UBAC2: variants seen among roughly 807,000 people sequenced by gnomAD.
UBAC2 encodes the protein ubiquitin-associated domain-containing protein 2.
A neutral mutation model predicts 44.0 loss-of-function variants in UBAC2; 26 were observed. That is an observed-to-expected ratio of 0.59 (90% confidence interval 0.43 to 0.82). The LOEUF (loss-of-function observed/expected upper bound fraction) is 0.82. Ranked by LOEUF, UBAC2 falls within the 40% of genes least tolerant of loss-of-function variation. The probability of loss-of-function intolerance (pLI) is 0.00; values close to 1 mark genes in which losing one functional copy is unlikely to be tolerated. For synonymous variants in UBAC2, 155 were observed against 154.3 expected (o/e 1.00, Z -0.04); for missense variants, 329 against 419.4 (o/e 0.78, Z 1.88).
chr13:99,255,925 A>G (rs1001503475), intron 4 of UBAC2: 1 of 1,458,908 alleles, frequency 6.9e-7, no homozygotes, highest in Non-Finnish European at 9.2e-7. Context: ...ATAGTTAAGA[A>G]AAATAAGAAT....
intron 1 of UBAC2, chr13:99,215,857 T>G: frequency 2.0e-6 from 1 of 498,646 alleles, no homozygotes; most frequent in South Asian, 4.7e-5. Flanking sequence ...TGATTCAAAC[T>G]GCCCTTTTCA....
intron 4 of UBAC2, among the ~76,000 whole-genome samples, chr13:99,299,444 G>A (rs2044224292): frequency 6.6e-6 from 1 of 150,724 alleles, no homozygotes; most frequent in African/African-American, 2.5e-5. Context: ...AGGTAGGGAA[G>A]CAAATACACA....
intron 6 of UBAC2, among the ~76,000 whole-genome samples, chr13:99,334,042 G>C (rs891085597): frequency 6.6e-6 from 1 of 152,188 alleles, no homozygotes; most frequent in East Asian, 1.9e-4. Context: ...CGAATTCTTG[G>C]GTCAAGTGAC....
chr13:99,343,981 A>G (rs990771734), intron 7 of UBAC2, among the ~76,000 whole-genome samples: 1 of 152,224 alleles, frequency 6.6e-6, no homozygotes, highest in Non-Finnish European at 1.5e-5. Flanking sequence ...CATTGAGGAC[A>G]CAGGTGTAAA....
intron 6 of UBAC2, among the ~76,000 whole-genome samples, chr13:99,326,974 C>G (rs145308079): frequency 0.011 from 1,609 of 152,298 alleles, 24 homozygotes; most frequent in South Asian, 0.067. Context: ...TTGCAGCCTT[C>G]TGTGTGCTGA....
chr13:99,272,134 A>G (rs567245443), intron 4 of UBAC2, among the ~76,000 whole-genome samples: 2 of 152,282 alleles, frequency 1.3e-5, no homozygotes, highest in Non-Finnish European at 2.9e-5. Context: ...GAGCTGCTTA[A>G]GGTCACCTCT....
intron 1 of UBAC2, among the ~76,000 whole-genome samples, chr13:99,208,963 C>A (rs1285457537): frequency 6.6e-6 from 1 of 152,216 alleles, no homozygotes. Flanking sequence ...GAACTTAGAT[C>A]CCCCTATAGT....
chr13:99,204,235 G>C (rs2042840684), intron 1 of UBAC2, among the ~76,000 whole-genome samples: 2 of 152,146 alleles, frequency 1.3e-5, no homozygotes, highest in Non-Finnish European at 2.9e-5. Flanking sequence ...TTTGTCCTCG[G>C]TGCTGTGGGT....
chr13:99,278,733 A>G (rs985729567), intron 4 of UBAC2, among the ~76,000 whole-genome samples: 2 of 152,232 alleles, frequency 1.3e-5, no homozygotes, highest in Non-Finnish European at 2.9e-5. Flanking sequence ...TTTAATTCCT[A>G]TTTAAAAAAT....
chr13:99,345,836 G>A (rs1398504782), intron 7 of UBAC2, among the ~76,000 whole-genome samples: 1 of 147,864 alleles, frequency 6.8e-6, no homozygotes, highest in Non-Finnish European at 1.5e-5. Context: ...TCTGTCTCCT[G>A]GCTTCAAGCA....
chr13:99,227,945 T>C (rs1193648943), intron 1 of UBAC2, among the ~76,000 whole-genome samples: 1 of 152,212 alleles, frequency 6.6e-6, no homozygotes, highest in Non-Finnish European at 1.5e-5. Flanking sequence ...AGAGCAGATA[T>C]ACTAGAGAAA....
intron 8 of UBAC2, among the ~76,000 whole-genome samples, chr13:99,373,692 G>C (rs910794971): frequency 6.6e-6 from 1 of 152,156 alleles, no homozygotes; most frequent in Non-Finnish European, 1.5e-5. Context: ...GAGGTGGGGA[G>C]CCACGGATGG....
chr13:99,201,159 G>A (rs2042791420), intron 1 of UBAC2: 51 of 1,356,638 alleles, frequency 3.8e-5, no homozygotes, highest in Non-Finnish European at 4.9e-5. Flanking sequence ...CCCGCCGCCC[G>A]CCCCGACCCC....
chr13:99,201,381 C>G (rs754338158), intron 1 of UBAC2: 2 of 1,595,598 alleles, frequency 1.3e-6, no homozygotes, highest in Admixed American at 1.7e-5. Context: ...TCAGCCTCCG[C>G]TTTAGAAGCT....
intron 4 of UBAC2, among the ~76,000 whole-genome samples, chr13:99,261,916 G>A (rs1028596954): frequency 6.6e-6 from 1 of 152,112 alleles, no homozygotes; most frequent in Non-Finnish European, 1.5e-5. Flanking sequence ...TGAGGCTTCA[G>A]TTACCTTCAG....
At chr13:99,305,750 G>A (rs184989577) in intron 4 of UBAC2, among the ~76,000 whole-genome samples, 135 of 152,260 alleles carry the variant, frequency 8.9e-4, no homozygotes, top group African/African-American at 3.1e-3. Flanking sequence ...AACATTTTGT[G>A]GAGTAGCATA....
intron 8 of UBAC2, among the ~76,000 whole-genome samples, chr13:99,374,531 C>T (rs1158983675): frequency 6.6e-6 from 1 of 152,196 alleles, no homozygotes; most frequent in Admixed American, 6.5e-5. Context: ...CCACAAGGTG[C>T]TTTCACTCTT....
chr13:99,203,773 G>T (rs186537302), intron 1 of UBAC2, among the ~76,000 whole-genome samples: 1 of 152,328 alleles, frequency 6.6e-6, no homozygotes, highest in East Asian at 1.9e-4. Flanking sequence ...GGTCACGGAG[G>T]GTAGCCGGGA....
intron 4 of UBAC2, among the ~76,000 whole-genome samples, chr13:99,297,632 A>G (rs1440983051): frequency 6.6e-6 from 1 of 152,144 alleles, no homozygotes; most frequent in Non-Finnish European, 1.5e-5. Flanking sequence ...AATAAAACCT[A>G]AAGCAAAAGA....
Sources: gnomAD v4.1 joint callset for allele counts (sites outside exome capture counted in the v4.1 genomes callset) on GRCh38, gnomAD v4.1.1 for gene constraint, MANE v1.5 for transcripts, NCBI Gene and HGNC (gene_info 2026-07-23, HGNC 2026-07-21) for gene names.